The following ASIC2 variants were observed in gnomAD, a reference collection of about 807,000 sequenced individuals.
The protein encoded by ASIC2 is acid-sensing ion channel 2.
A neutral mutation model predicts 57.3 loss-of-function variants in ASIC2; 25 were observed. That is an observed-to-expected ratio of 0.44 (90% CI 0.32 to 0.61). The LOEUF is 0.61. ASIC2 is among the 20% of genes least tolerant of loss of function. The pLI, the probability that ASIC2 is intolerant of heterozygous loss-of-function variation, is 0.06. For missense variants in ASIC2, 641 were observed against 738.1 expected (o/e 0.87, Z 1.52); for synonymous variants, 319 against 307.5 (o/e 1.04, Z -0.39).
At chr17:33,500,248 C>T (rs1914061829) in intron 1 of ASIC2, among the ~76,000 whole-genome samples, 1 of 152,012 alleles carries the variant, frequency 6.6e-6, no homozygotes, top group South Asian at 2.1e-4. Flanking sequence ...GGGGTTTCCA[C>T]GTGTGACAGC....
At chr17:33,689,742 A>G (rs1038143723) in intron 1 of ASIC2, among the ~76,000 whole-genome samples, 1 of 152,198 alleles carries the variant, frequency 6.6e-6, no homozygotes, top group African/African-American at 2.4e-5. Flanking sequence ...ATGATGGATT[A>G]CCCTGGTGGG....
chr17:33,615,061 C>T (rs1905553181), intron 1 of ASIC2, among the ~76,000 whole-genome samples: 1 of 152,182 alleles, frequency 6.6e-6, no homozygotes, highest in Admixed American at 6.6e-5. Flanking sequence ...ATTTCTTCCT[C>T]TTGTATGGAT....
chr17:33,222,571 C>T (rs1389806913), intron 1 of ASIC2, among the ~76,000 whole-genome samples: 1 of 152,146 alleles, frequency 6.6e-6, no homozygotes, highest in East Asian at 1.9e-4. Context: ...CAAATTATAT[C>T]TCAATAAAGC....
chr17:34,046,247 G>A (rs928063306), intron 1 of ASIC2, among the ~76,000 whole-genome samples: 2 of 152,188 alleles, frequency 1.3e-5, no homozygotes, highest in African/African-American at 4.8e-5. Flanking sequence ...ATAAATAGTT[G>A]TTATGTTGAG....
intron 1 of ASIC2, among the ~76,000 whole-genome samples, chr17:33,987,640 GCCAA>G (rs1290828623): frequency 6.6e-6 from 1 of 151,502 alleles, no homozygotes; most frequent in African/African-American, 2.4e-5. Flanking sequence ...TAACCCATTA[GCCAA>G]CCAACCAACT....
chr17:33,492,210 A>G (rs1489107015), intron 1 of ASIC2, among the ~76,000 whole-genome samples: 1 of 152,220 alleles, frequency 6.6e-6, no homozygotes, highest in Non-Finnish European at 1.5e-5. Flanking sequence ...AATTCATTTA[A>G]TCTGCACAGC....
At chr17:33,783,251 T>C (rs187723636) in intron 1 of ASIC2, among the ~76,000 whole-genome samples, 10 of 152,338 alleles carry the variant, frequency 6.6e-5, no homozygotes, top group African/African-American at 2.2e-4. Context: ...ACCGTTGTGG[T>C]TAATAGCTCA....
At chr17:33,787,784 G>T (rs981724903) in intron 1 of ASIC2, among the ~76,000 whole-genome samples, 4 of 152,286 alleles carry the variant, frequency 2.6e-5, no homozygotes, top group African/African-American at 9.6e-5. Context: ...CATCCAAATC[G>T]CATGTTCAAT....
chr17:33,482,257 AC>A (rs1284162749), intron 1 of ASIC2, among the ~76,000 whole-genome samples: 1 of 152,188 alleles, frequency 6.6e-6, no homozygotes, highest in Non-Finnish European at 1.5e-5. Context: ...CAGCCATTGT[AC>A]ACTCTGGTCT....
intron 3 of ASIC2, among the ~76,000 whole-genome samples, chr17:33,033,849 C>A (rs1487602914): frequency 6.6e-6 from 1 of 152,160 alleles, no homozygotes; most frequent in Non-Finnish European, 1.5e-5. Context: ...CACTTCCTCC[C>A]CTCTGAGGTC....
At chr17:33,875,101 T>A (rs1468699522) in intron 1 of ASIC2, among the ~76,000 whole-genome samples, 1 of 152,202 alleles carries the variant, frequency 6.6e-6, no homozygotes, top group Non-Finnish European at 1.5e-5. Flanking sequence ...AATGCGGGAA[T>A]AATGCAGGGA....
At chr17:33,436,197 T>A (rs1460075609) in intron 1 of ASIC2, among the ~76,000 whole-genome samples, 1 of 152,222 alleles carries the variant, frequency 6.6e-6, no homozygotes, top group Non-Finnish European at 1.5e-5. Context: ...AGCCCCTCTC[T>A]AAAACTGATC....
At chr17:33,264,371 C>A (rs994045335) in intron 1 of ASIC2, among the ~76,000 whole-genome samples, 17 of 152,212 alleles carry the variant, frequency 1.1e-4, no homozygotes, top group African/African-American at 3.6e-4. Flanking sequence ...CTCAGTGAAT[C>A]CTTACAATAA....
chr17:33,207,211 A>G (rs1907096332), intron 1 of ASIC2, among the ~76,000 whole-genome samples: 1 of 152,212 alleles, frequency 6.6e-6, no homozygotes, highest in Admixed American at 6.5e-5. Context: ...GGACGGACGG[A>G]AGTGGTGAAC....
At chr17:33,268,995 G>T (rs1414027265) in intron 1 of ASIC2, among the ~76,000 whole-genome samples, 1 of 151,684 alleles carries the variant, frequency 6.6e-6, no homozygotes, top group African/African-American at 2.4e-5. Context: ...GAAGGAGGGG[G>T]TTGGATGAGA....
chr17:33,040,802 G>C (rs16555), intron 3 of ASIC2, among the ~76,000 whole-genome samples: 4,659 of 152,258 alleles, frequency 0.031, 192 homozygotes, highest in African/African-American at 0.098. Context: ...CTCTATCATT[G>C]ACAAGATAGT....
chr17:34,136,385 CT>C (rs1178991070), intron 1 of ASIC2, among the ~76,000 whole-genome samples: 62 of 152,284 alleles, frequency 4.1e-4, no homozygotes, highest in African/African-American at 1.4e-3. Flanking sequence ...AGTCTGACAC[CT>C]TTTAAGAGAC....
At chr17:33,554,287 G>T (rs187559046) in intron 1 of ASIC2, among the ~76,000 whole-genome samples, 51 of 152,174 alleles carry the variant, frequency 3.4e-4, no homozygotes, top group Admixed American at 3.3e-3. Flanking sequence ...GTCCTGAGTG[G>T]GTTTGAAGTT....
chr17:33,603,744 T>C (rs976804152), intron 1 of ASIC2, among the ~76,000 whole-genome samples: 2 of 152,344 alleles, frequency 1.3e-5, no homozygotes, highest in South Asian at 4.1e-4. Context: ...CTGTAAAAGA[T>C]AAACTCCTAG....
Sources: gnomAD v4.1 joint callset for allele counts (sites outside exome capture counted in the v4.1 genomes callset) on GRCh38, gnomAD v4.1.1 for gene constraint, MANE v1.5 for transcripts, NCBI Gene and HGNC (gene_info 2026-07-23, HGNC 2026-07-21) for gene names.